The following SLC24A2 variants were observed in gnomAD, a reference collection of about 807,000 sequenced individuals.
SLC24A2 encodes the protein solute carrier family 24 member 2, also known as sodium/potassium/calcium exchanger 2.
In SLC24A2, 36 loss-of-function variants were observed where a neutral mutation model predicts 62.0. That is an observed-to-expected ratio of 0.58 (90% CI 0.44 to 0.77). The LOEUF is 0.77. Ranked by LOEUF, SLC24A2 falls within the 30% of genes least tolerant of loss-of-function variation. SLC24A2 has a pLI of 0.00. For missense variants in SLC24A2, 846 were observed against 817.9 expected, an observed-to-expected ratio of 1.03 and a Z score of -0.42; for synonymous variants, 358 against 294.0, an observed-to-expected ratio of 1.22 and a Z score of -2.23.
At chr9:20,001,848 T>G in the SLC24A2 span, among the ~76,000 whole-genome samples, 1 of 152,150 alleles carries the variant, frequency 6.6e-6, no homozygotes, top group African/African-American at 2.4e-5. Context: ...TTTAGTAGAG[T>G]GCTATCTCCC....
At chr9:20,215,613 A>G in the SLC24A2 span, among the ~76,000 whole-genome samples, 2 of 152,158 alleles carry the variant, frequency 1.3e-5, no homozygotes, top group African/African-American at 4.8e-5. Flanking sequence ...TACACTTACC[A>G]ATGTTATCGC....
the SLC24A2 span, among the ~76,000 whole-genome samples, chr9:20,007,270 C>T: frequency 5.4e-4 from 82 of 152,276 alleles, 1 homozygote; most frequent in African/African-American, 1.9e-3. Flanking sequence ...TAGGTTTCAT[C>T]TTCTGTGCCA....
chr9:20,141,874 G>A, the SLC24A2 span, among the ~76,000 whole-genome samples: 1 of 152,192 alleles, frequency 6.6e-6, no homozygotes, highest in Non-Finnish European at 1.5e-5. Context: ...CTTGAGCTCA[G>A]GAGTTCAAGA....
chr9:19,709,044 C>T (rs1820627145), intron 2 of SLC24A2, among the ~76,000 whole-genome samples: 1 of 151,952 alleles, frequency 6.6e-6, no homozygotes, highest in Non-Finnish European at 1.5e-5. Context: ...ACAATGAACT[C>T]AAACAAATTT....
chr9:19,546,957 C>A (rs1318034733), intron 8 of SLC24A2, among the ~76,000 whole-genome samples: 1 of 152,082 alleles, frequency 6.6e-6, no homozygotes, highest in Non-Finnish European at 1.5e-5. Context: ...TGACCCCTTG[C>A]ACTTCCTGGG....
the SLC24A2 span, among the ~76,000 whole-genome samples, chr9:20,111,094 C>G: frequency 9.2e-5 from 14 of 152,184 alleles, no homozygotes. Context: ...GCTTCACTTT[C>G]CCTTTTCCAT....
chr9:19,752,515 G>A (rs1047005488), intron 2 of SLC24A2, among the ~76,000 whole-genome samples: 21 of 109,362 alleles, frequency 1.9e-4, no homozygotes, highest in African/African-American at 5.7e-4. Flanking sequence ...ATGCAGTCAC[G>A]CAATCCTGGG....
At chr9:19,608,938 T>A (rs1234408041) in intron 4 of SLC24A2, among the ~76,000 whole-genome samples, 6 of 152,138 alleles carry the variant, frequency 3.9e-5, no homozygotes, top group Non-Finnish European at 2.9e-5. Context: ...GGACAATACA[T>A]AGTTTGGGGT....
intron 6 of SLC24A2, among the ~76,000 whole-genome samples, chr9:19,575,660 A>G (rs1835988772): frequency 6.6e-6 from 1 of 152,242 alleles, no homozygotes; most frequent in Non-Finnish European, 1.5e-5. Flanking sequence ...CATTAGAAGA[A>G]TCCTTGGCAT....
the SLC24A2 span, among the ~76,000 whole-genome samples, chr9:19,898,444 C>T: frequency 6.6e-6 from 1 of 152,064 alleles, no homozygotes; most frequent in East Asian, 1.9e-4. Context: ...TGTGAGAATC[C>T]AATGAGATAA....
chr9:19,996,937 C>T, the SLC24A2 span, among the ~76,000 whole-genome samples: 10 of 151,012 alleles, frequency 6.6e-5, no homozygotes, highest in African/African-American at 2.4e-4. Context: ...AGAAAGCGCT[C>T]AGTGGTAAAA....
chr9:19,914,830 GA>G, the SLC24A2 span, among the ~76,000 whole-genome samples: 1 of 152,002 alleles, frequency 6.6e-6, no homozygotes, highest in Non-Finnish European at 1.5e-5. Flanking sequence ...GACAGGATGG[GA>G]TCCAGATTTT....
the SLC24A2 span, among the ~76,000 whole-genome samples, chr9:19,955,347 A>G: frequency 6.6e-6 from 1 of 152,020 alleles, no homozygotes; most frequent in Non-Finnish European, 1.5e-5. Flanking sequence ...AGAGTGAATA[A>G]AAAACTAGGA....
chr9:19,728,733 T>C (rs1236855189), intron 2 of SLC24A2, among the ~76,000 whole-genome samples: 4 of 152,312 alleles, frequency 2.6e-5, no homozygotes, highest in Admixed American at 6.5e-5. Context: ...CTCCAGTTAT[T>C]GGAAGGCTCC....
At chr9:19,978,412 C>CT in the SLC24A2 span, among the ~76,000 whole-genome samples, 64 of 148,154 alleles carry the variant, frequency 4.3e-4, no homozygotes, top group Middle Eastern at 3.4e-3. Context: ...CCTCGCCCCT[C>CT]TTTTTTTTTT....
At chr9:19,873,298 T>A in the SLC24A2 span, among the ~76,000 whole-genome samples, 2 of 151,804 alleles carry the variant, frequency 1.3e-5, no homozygotes, top group Non-Finnish European at 2.9e-5. Flanking sequence ...CTTCTTTTCT[T>A]TTCCTTTCTT....
the SLC24A2 span, among the ~76,000 whole-genome samples, chr9:20,222,755 G>T: frequency 6.6e-6 from 1 of 152,014 alleles, no homozygotes; most frequent in Non-Finnish European, 1.5e-5. Context: ...TGCAAAAAAT[G>T]ATGAAATGTG....
chr9:19,945,188 T>C, the SLC24A2 span, among the ~76,000 whole-genome samples: 1 of 152,140 alleles, frequency 6.6e-6, no homozygotes, highest in Non-Finnish European at 1.5e-5. Context: ...TTTGTGATTT[T>C]CCTGAATCAG....
Position 19,533,665 on chromosome 9 carries a change from C to T in SLC24A2, c.1480-5527G>A, listed in dbSNP as rs187983456. Among the ~76,000 whole-genome samples, 220 of 152,302 alleles carry T rather than the reference C, an allele frequency of 1.4e-3. 4 individuals are homozygous for T. Among genetic ancestry groups the T allele is most frequent in the Non-Finnish European group, 8.8e-4 (60 of 68,030 alleles). On this transcript the variant is annotated intron_variant, in intron 8 of 10. Coordinates refer to ENST00000341998, the MANE Select transcript of SLC24A2 (RefSeq NM_020344.4). ...TAGCCCTGTACCAACCAGCTCCCAG[C>T]CATTAACTGAGCACCACTAAGACCA...
Sources: allele counts gnomAD v4.1 joint callset (sites outside exome capture counted in the v4.1 genomes callset), GRCh38; gene constraint gnomAD v4.1.1; transcripts MANE v1.5; gene names NCBI Gene and HGNC (gene_info 2026-07-23, HGNC 2026-07-21).